The following COL24A1 variants were observed in gnomAD, a reference collection of about 807,000 sequenced individuals.
COL24A1 encodes collagen type XXIV alpha 1 chain, also known as collagen alpha-1(XXIV) chain.
A neutral mutation model predicts 253.9 loss-of-function variants in COL24A1; 224 were observed. The observed-to-expected ratio is 0.88, with a 90% CI of 0.79 to 0.99. The LOEUF (loss-of-function observed/expected upper bound fraction) is 0.99. Ranked by LOEUF, COL24A1 falls within the 50% of genes least tolerant of loss-of-function variation. The pLI is 0.00. For missense variants in COL24A1, 2,131 were observed against 2,068.5 expected (o/e 1.03, Z -0.59); for synonymous variants, 685 against 673.7 (o/e 1.02, Z -0.26).
At chr1:85,745,625 G>A (rs766810819) in intron 55 of COL24A1, 119 bp from the exon 56 acceptor site, 20 of 650,332 alleles carry the variant, frequency 3.1e-5, no homozygotes, top group Non-Finnish European at 4.4e-5. Context: ...TATCTGAAGG[G>A]GTTCTGTAAC....
At chr1:85,950,750 G>T (rs1034128811) in intron 24 of COL24A1, among the ~76,000 whole-genome samples, 2 of 152,144 alleles carry the variant, frequency 1.3e-5, no homozygotes, top group African/African-American at 2.4e-5. Context: ...ATAAAAAATG[G>T]CAAGAAGTGG....
intron 22 of COL24A1, among the ~76,000 whole-genome samples, chr1:85,967,015 A>G (rs892580117): frequency 6.6e-6 from 1 of 152,194 alleles, no homozygotes; most frequent in Non-Finnish European, 1.5e-5. Flanking sequence ...TATGTAGGAG[A>G]GACAGAGGGA....
intron 8 of COL24A1, among the ~76,000 whole-genome samples, chr1:86,060,180 T>C (rs181439229): frequency 3.4e-4 from 51 of 152,230 alleles, no homozygotes; most frequent in African/African-American, 1.1e-3. Context: ...AGACAAAATA[T>C]TATAACTTTT....
intron 45 of COL24A1, among the ~76,000 whole-genome samples, 184 bp from the exon 46 acceptor site, chr1:85,818,271 C>T (rs1340697586): frequency 6.6e-6 from 1 of 152,142 alleles, no homozygotes; most frequent in Non-Finnish European, 1.5e-5. Context: ...GAAACTTTGA[C>T]AAGATCATCT....
chr1:85,784,078 T>C, intron 50 of COL24A1, 35 bp downstream of exon 50: 1 of 1,519,236 alleles, frequency 6.6e-7, no homozygotes, highest in Non-Finnish European at 9.0e-7. Context: ...TATTTCTAGA[T>C]AGCTAGAAGA....
intron 39 of COL24A1, among the ~76,000 whole-genome samples, chr1:85,843,503 G>A (rs1199770354): frequency 6.6e-6 from 1 of 152,128 alleles, no homozygotes; most frequent in Non-Finnish European, 1.5e-5. Flanking sequence ...AGAGAGAAAA[G>A]AAAGGTATTT....
At chr1:85,733,302 A>G (rs891151894) in intron 59 of COL24A1, among the ~76,000 whole-genome samples, 3 of 152,292 alleles carry the variant, frequency 2.0e-5, no homozygotes, top group Admixed American at 1.3e-4. Context: ...CCATTCTCTA[A>G]AAGAGGGGTC....
At chr1:85,783,322 CA>C (rs568821368) in intron 51 of COL24A1, among the ~76,000 whole-genome samples, 173 bp downstream of exon 51, 144 of 150,984 alleles carry the variant, frequency 9.5e-4, no homozygotes, top group African/African-American at 3.4e-3. Context: ...GTATTTTGCT[CA>C]AACTAATATA....
chr1:85,918,217 C>A (rs529800002), intron 24 of COL24A1, among the ~76,000 whole-genome samples: 11 of 149,822 alleles, frequency 7.3e-5, no homozygotes, highest in African/African-American at 2.7e-4. Flanking sequence ...AATGGGCATT[C>A]TTTTCTATTG....
rs112446047 is a variant in COL24A1, at chr1:85,960,065, G to A, written c.2562+1184C>T. ...AGTGACTCAGGATTAATTAGGTATG[G>A]CAATTATCTTTTAGGACTACACAGA... On this transcript the variant is annotated intron_variant, in intron 24 of 59. Transcript: ENST00000370571. 2.4e-3 allele frequency among the ~76,000 whole-genome samples: 365 copies of A among 152,114 alleles called. 6 individuals are homozygous for A. The highest frequency in any genetic ancestry group is 8.4e-3 in the African/African-American group (349 of 41,526).
At chr1:85,954,193 AG>A (rs1214730464) in intron 24 of COL24A1, among the ~76,000 whole-genome samples, 1 of 152,168 alleles carries the variant, frequency 6.6e-6, no homozygotes, top group Non-Finnish European at 1.5e-5. Context: ...CATGAATGCT[AG>A]GTCTAATTCT....
At chr1:85,847,847 T>C (rs938848586) in intron 38 of COL24A1, 75 bp from the exon 39 acceptor site, 9 of 869,036 alleles carry the variant, frequency 1.0e-5, no homozygotes, top group Non-Finnish European at 1.5e-5. Context: ...ATCATATTCC[T>C]GAATAGCTCC....
At chr1:85,870,671 C>A (rs2102541940) in intron 35 of COL24A1, among the ~76,000 whole-genome samples, 1 of 152,278 alleles carries the variant, frequency 6.6e-6, no homozygotes, top group African/African-American at 2.4e-5. Context: ...CACAACACAC[C>A]AGAATCTCTG....
At chr1:85,737,695 C>G (rs112352885) in intron 57 of COL24A1, among the ~76,000 whole-genome samples, 190 bp from the exon 58 acceptor site, 1,579 of 152,092 alleles carry the variant, frequency 0.01, 24 homozygotes, top group African/African-American at 0.036. Flanking sequence ...TCCTGAGTAG[C>G]TGGGATTACA....
chr1:85,817,926 T>C, intron 46 of COL24A1, 108 bp downstream of exon 46: 1 of 894,118 alleles, frequency 1.1e-6, no homozygotes, highest in Non-Finnish European at 1.8e-6. Context: ...TAAAAGACAA[T>C]CTGATTTATC....
chr1:86,146,121 T>C lies in COL24A1; in HGVS notation c.119A>G (p.Gln40Arg). Residue 40 changes from glutamine (Q) to arginine (R), a missense_variant and splice_region_variant, in exon 2 of 60, where the codon CAA (glutamine) becomes CGA (arginine). By Grantham distance (43) the Gln-to-Arg change is conservative. Transcript: ENST00000370571. ...VAGVVVHAQE[Q>R]GIDILHQLGL... ...AAATTAAAAGGTAATTTTCTTACCT[T>C]GTTCTTGTGCATGAACAACCACCCC... is the stretch of plus-strand genomic sequence containing the variant. 1 of 1,609,778 alleles carries C rather than the reference T, an allele frequency of 6.2e-7. No homozygotes were observed. Among genetic ancestry groups the C allele is most frequent in the Non-Finnish European group, 8.5e-7 (1 of 1,177,724 alleles).
At chr1:85,883,956 T>A (rs1558522798) in intron 32 of COL24A1, among the ~76,000 whole-genome samples, 1 of 152,242 alleles carries the variant, frequency 6.6e-6, no homozygotes, top group Non-Finnish European at 1.5e-5. Flanking sequence ...GTCTGTTAGA[T>A]CAATTAAGAA....
At chr1:86,092,006 A>T (rs1703525728) in intron 6 of COL24A1, among the ~76,000 whole-genome samples, 1 of 151,916 alleles carries the variant, frequency 6.6e-6, no homozygotes. Context: ...TACCCCATCC[A>T]CCCCCTCATT....
intron 12 of COL24A1, among the ~76,000 whole-genome samples, chr1:86,035,626 T>G (rs1698939458): frequency 6.6e-6 from 1 of 151,988 alleles, no homozygotes; most frequent in Non-Finnish European, 1.5e-5. Flanking sequence ...TTGGGGGTGA[T>G]GAAAATGTTA....
Sources: gnomAD v4.1 joint callset for allele counts (sites outside exome capture counted in the v4.1 genomes callset) on GRCh38, gnomAD v4.1.1 for gene constraint, MANE v1.5 for transcripts, NCBI Gene and HGNC (gene_info 2026-07-23, HGNC 2026-07-21) for gene names.